The following TUBGCP3 variants were observed in gnomAD, a reference collection of about 807,000 sequenced individuals.
TUBGCP3 encodes tubulin gamma complex component 3.
In TUBGCP3, 50 loss-of-function variants were observed where a neutral mutation model predicts 123.1. The observed-to-expected ratio is 0.41, with a 90% CI of 0.32 to 0.51. The LOEUF (loss-of-function observed/expected upper bound fraction) is 0.51. Among genes scored for constraint, TUBGCP3 ranks in the 20% least tolerant of loss-of-function variants. The pLI is 0.36. For missense variants in TUBGCP3, 882 were observed against 1,127.0 expected (o/e 0.78, Z 3.11); for synonymous variants, 405 against 413.9 (o/e 0.98, Z 0.26).
intron 1 of TUBGCP3, among the ~76,000 whole-genome samples, chr13:112,570,932 T>C (rs533142982): frequency 2.0e-4 from 30 of 152,338 alleles, no homozygotes; most frequent in African/African-American, 7.0e-4. Context: ...TCTCTGCTCA[T>C]CGATAAAAAG....
At chr13:112,585,919 A>G (rs1594240472) in intron 1 of TUBGCP3, among the ~76,000 whole-genome samples, 1 of 151,954 alleles carries the variant, frequency 6.6e-6, no homozygotes, top group East Asian at 2.0e-4. Context: ...CAAAACTTTT[A>G]TATCAAAGAA....
At chr13:112,585,992 C>T (rs376029082) in intron 1 of TUBGCP3, among the ~76,000 whole-genome samples, 4 of 151,852 alleles carry the variant, frequency 2.6e-5, no homozygotes, top group Admixed American at 1.3e-4. Flanking sequence ...CTAATCCCAG[C>T]ACTTCGGGAG....
chr13:112,525,250 G>A (rs1018563958), intron 13 of TUBGCP3, among the ~76,000 whole-genome samples: 2 of 152,004 alleles, frequency 1.3e-5, no homozygotes, highest in African/African-American at 4.8e-5. Context: ...CTTTGTCCTG[G>A]GCTGCGCAAT....
chr13:112,553,266 T>G (rs763311998), intron 8 of TUBGCP3, among the ~76,000 whole-genome samples: 2 of 151,996 alleles, frequency 1.3e-5, no homozygotes, highest in Non-Finnish European at 2.9e-5. Flanking sequence ...CCAGCCATGC[T>G]CTTCTCCATC....
At chr13:112,526,199 GCCATCATCACCA>G (rs751646505) in intron 13 of TUBGCP3, among the ~76,000 whole-genome samples, 15 of 143,878 alleles carry the variant, frequency 1.0e-4, no homozygotes, top group East Asian at 2.1e-4. Flanking sequence ...CCACCACCAC[GCCATCATCACCA>G]CCATCATCAC....
rs1882770338 is a variant in TUBGCP3, at chr13:112,588,141, C to T, written c.-161G>A. On this transcript the variant is annotated 5_prime_UTR_variant, in exon 1 of 22. Coordinates refer to ENST00000261965, the MANE Select transcript of TUBGCP3 (RefSeq NM_006322.6). ...CACCAGGGCGCCATTTTAACGGAACCCGCCGAAAGCGCGGGCGCTTCCCAC... is the reference window on the plus strand; with the variant it reads ...CACCAGGGCGCCATTTTAACGGAACTCGCCGAAAGCGCGGGCGCTTCCCAC... 2.3e-5 allele frequency: 12 copies of T among 517,974 alleles called. No individual in the cohort carries two copies. In the South Asian group the frequency reaches 4.9e-4, roughly 21 times the overall value. The allele number at this position is 517,974 out of a possible 1,614,324, so 32.1% of individuals were successfully genotyped here.
intron 1 of TUBGCP3, among the ~76,000 whole-genome samples, chr13:112,576,932 G>C (rs1332367274): frequency 7.4e-6 from 1 of 135,354 alleles, no homozygotes; most frequent in East Asian, 2.2e-4. Context: ...AACCCCAGCA[G>C]TCAATGAAAT....
chr13:112,558,434 A>T (rs1280093494), intron 4 of TUBGCP3, 21 bp from the exon 5 acceptor site: 1 of 1,522,768 alleles, frequency 6.6e-7, no homozygotes. Context: ...AAACACACTA[A>T]GAGCAGAGAC....
intron 3 of TUBGCP3, among the ~76,000 whole-genome samples, chr13:112,561,508 C>G (rs571666022): frequency 1.3e-5 from 2 of 152,300 alleles, no homozygotes; most frequent in South Asian, 2.1e-4. Flanking sequence ...AACGGACAAA[C>G]GAGAGATATA....
In TUBGCP3 at chr13:112,588,072, C is replaced by G; in HGVS notation, c.-92G>C. 1 of 1,127,880 alleles carries G rather than the reference C, an allele frequency of 8.9e-7. No individual in the cohort carries two copies. 69.9% of individuals were successfully genotyped at this position (1,127,880 alleles called of 1,614,324 possible). A position where few individuals can be genotyped will look rare whatever the true frequency, so the allele number is the denominator to read the frequency against. ...CGGCCCGCGCCCTTCCTGCGCCCCG[C>G]AAGCTCCCTGCTCCTGACAGGCTAA... On this transcript the variant is annotated 5_prime_UTR_variant, in exon 1 of 22. Coordinates refer to ENST00000261965, the MANE Select transcript of TUBGCP3 (RefSeq NM_006322.6).
chr13:112,573,215 A>G (rs989854290), intron 1 of TUBGCP3, among the ~76,000 whole-genome samples: 5 of 151,574 alleles, frequency 3.3e-5, no homozygotes, highest in East Asian at 1.9e-4. Flanking sequence ...TCCATGAAAC[A>G]AAACAGTATG....
upstream of TUBGCP3, among the ~76,000 whole-genome samples, chr13:112,591,617 A>G (rs889324979): frequency 2.0e-5 from 3 of 152,244 alleles, no homozygotes; most frequent in Admixed American, 1.3e-4. Context: ...CCATGGTGGC[A>G]GCTCCTCTTC....
the TUBGCP3 span, among the ~76,000 whole-genome samples, chr13:112,594,860 G>C: frequency 2.6e-5 from 4 of 152,160 alleles, no homozygotes; most frequent in Non-Finnish European, 5.9e-5. Context: ...TTTTTCATGT[G>C]TTTGGAGATT....
intron 20 of TUBGCP3, among the ~76,000 whole-genome samples, chr13:112,490,241 T>C (rs988476603): frequency 6.6e-6 from 1 of 152,206 alleles, no homozygotes; most frequent in Non-Finnish European, 1.5e-5. Context: ...TCAGATAGCA[T>C]ATATAGGAAT....
intron 10 of TUBGCP3, chr13:112,546,994 G>A (rs1169062828): frequency 6.5e-6 from 1 of 154,422 alleles, no homozygotes; most frequent in Non-Finnish European, 1.4e-5. Context: ...ACTGCTACTA[G>A]GATCTCAATG....
intron 3 of TUBGCP3, among the ~76,000 whole-genome samples, chr13:112,563,044 T>A (rs1880645540): frequency 6.6e-6 from 1 of 152,010 alleles, no homozygotes; most frequent in Admixed American, 6.5e-5. Context: ...CTAGTTCTAC[T>A]CCCCTCATAA....
intron 5 of TUBGCP3, among the ~76,000 whole-genome samples, chr13:112,556,814 G>T (rs936139904): frequency 6.6e-6 from 1 of 152,214 alleles, no homozygotes; most frequent in African/African-American, 2.4e-5. Context: ...CAGCAATTTT[G>T]AGACTATGTC....
chr13:112,513,880 C>T (rs946022622), intron 17 of TUBGCP3, among the ~76,000 whole-genome samples: 1 of 151,998 alleles, frequency 6.6e-6, no homozygotes, highest in Non-Finnish European at 1.5e-5. Context: ...ATGGAAAATC[C>T]CAGAAATAAA....
chr13:112,556,178 A>G lies in TUBGCP3; in HGVS notation c.595T>C (p.Leu199=). 2 of 1,614,144 alleles carry G rather than the reference A, an allele frequency of 1.2e-6. No individual in the cohort carries two copies. Among genetic ancestry groups the G allele is most frequent in the South Asian group, 2.2e-5 (2 of 91,070 alleles). Reference sequence around the variant, plus strand: ...AAAGTCCATGCGAGTCGTGACCCCAACTGCTGTCGAAGGCAATCTCCTACT... The same window carrying G: ...AAAGTCCATGCGAGTCGTGACCCCAGCTGCTGTCGAAGGCAATCTCCTACT... The part of the protein sequence containing the change: ...PGVGDCLRQQ[L]GSRLAWTLTA... Residue 199 remains leucine (L), a synonymous_variant, in exon 6 of 22, where the codon TTG becomes CTG. Transcript: ENST00000261965.
Sources: gnomAD v4.1 joint callset for allele counts (sites outside exome capture counted in the v4.1 genomes callset) on GRCh38, gnomAD v4.1.1 for gene constraint, MANE v1.5 for transcripts, NCBI Gene and HGNC (gene_info 2026-07-23, HGNC 2026-07-21) for gene names.